The following SOX5 variants were observed in gnomAD, a reference collection of about 807,000 sequenced individuals.
SOX5 encodes the protein SRY-box transcription factor 5.
A neutral mutation model predicts 92.0 loss-of-function variants in SOX5; 9 were observed. The ratio of observed to expected loss-of-function variants is 0.10; its 90% CI spans 0.06 to 0.17. SOX5 has a LOEUF of 0.17. Among genes scored for constraint, SOX5 ranks in the 10% least tolerant of loss-of-function variants. The pLI is 1.00. For missense variants in SOX5, 642 were observed against 944.5 expected (o/e 0.68, Z 4.20); for synonymous variants, 344 against 336.3 (o/e 1.02, Z -0.25).
intron 4 of SOX5, among the ~76,000 whole-genome samples, chr12:23,956,921 C>T (rs994059226): frequency 1.3e-5 from 2 of 152,074 alleles, no homozygotes; most frequent in African/African-American, 4.8e-5. Context: ...AGCTTGGCCT[C>T]CCAAAGTGCT....
chr12:24,361,020 T>C (rs1468225989), intron 2 of SOX5, among the ~76,000 whole-genome samples: 1 of 152,130 alleles, frequency 6.6e-6, no homozygotes, highest in African/African-American at 2.4e-5. Flanking sequence ...ACATCTATGG[T>C]TCATTAACTC....
intron 3 of SOX5, among the ~76,000 whole-genome samples, chr12:23,842,260 T>C (rs1273720470): frequency 6.6e-6 from 1 of 152,096 alleles, no homozygotes; most frequent in Non-Finnish European, 1.5e-5. Context: ...TATAAATTAA[T>C]GGTGGTTAGT....
intron 1 of SOX5, among the ~76,000 whole-genome samples, chr12:24,524,344 T>TATCC (rs559911068): frequency 1.5e-5 from 1 of 65,306 alleles, no homozygotes; most frequent in Non-Finnish European, 5.0e-5. Flanking sequence ...CCCTCCCATC[T>TATCC]ATCTATCTAT....
chr12:23,930,403 A>T (rs1280526442), intron 1 of SOX5, among the ~76,000 whole-genome samples: 1 of 151,750 alleles, frequency 6.6e-6, no homozygotes, highest in Non-Finnish European at 1.5e-5. Flanking sequence ...GCTCAAGTAA[A>T]CCTACAAAAG....
chr12:23,926,643 T>G (rs1322031547), intron 1 of SOX5, among the ~76,000 whole-genome samples: 1 of 152,136 alleles, frequency 6.6e-6, no homozygotes, highest in Admixed American at 6.5e-5. Context: ...TAGCAATTCA[T>G]TTCTTTGTTT....
chr12:23,641,530 TTATC>T lies in SOX5; in HGVS notation c.932-637_932-634del, dbSNP rs775243211. 5.3e-5 allele frequency among the ~76,000 whole-genome samples: 8 copies of T among 152,270 alleles called. No homozygotes were observed. In the South Asian group the frequency reaches 1.7e-3, roughly 32 times the overall value. On this transcript the variant is annotated intron_variant, in intron 7 of 14. Transcript: ENST00000451604. ...ATAGATCCCTTCCCCCCGACATTTTTTATCTATTAAAAAAGCACACTAATTCAAA... is the reference window on the plus strand; with the variant it reads ...ATAGATCCCTTCCCCCCGACATTTTTTATTAAAAAAGCACACTAATTCAAA...
chr12:24,260,618 CT>C (rs762813460), intron 3 of SOX5, among the ~76,000 whole-genome samples: 4 of 152,070 alleles, frequency 2.6e-5, no homozygotes, highest in Non-Finnish European at 5.9e-5. Flanking sequence ...GTAGTGATAT[CT>C]TTTTCTTATT....
At chr12:24,539,841 C>T (rs1042680684) in intron 1 of SOX5, among the ~76,000 whole-genome samples, 1 of 152,066 alleles carries the variant, frequency 6.6e-6, no homozygotes, top group Non-Finnish European at 1.5e-5. Flanking sequence ...CACTGAATGA[C>T]CGCAGAGTTC....
At chr12:23,969,083 C>T (rs1029607752) in intron 4 of SOX5, among the ~76,000 whole-genome samples, 1 of 152,132 alleles carries the variant, frequency 6.6e-6, no homozygotes, top group Non-Finnish European at 1.5e-5. Context: ...AGTCAACATC[C>T]ACCTAATTGT....
chr12:24,235,504 G>A (rs1475327513), intron 3 of SOX5, among the ~76,000 whole-genome samples: 1 of 152,106 alleles, frequency 6.6e-6, no homozygotes, highest in African/African-American at 2.4e-5. Flanking sequence ...ACATTAATTT[G>A]TACTCTACTA....
chr12:24,295,064 T>C (rs919581956), intron 2 of SOX5, among the ~76,000 whole-genome samples: 1 of 152,098 alleles, frequency 6.6e-6, no homozygotes, highest in Non-Finnish European at 1.5e-5. Context: ...CACAGACATA[T>C]ATAGAACGTA....
At chr12:24,068,704 G>GTATATATATATA (rs1164844032) in intron 4 of SOX5, among the ~76,000 whole-genome samples, 11 of 74,318 alleles carry the variant, frequency 1.5e-4, no homozygotes, top group African/African-American at 6.2e-4. Flanking sequence ...GTGTGTGTGT[G>GTATATATATATA]TATATATATA....
chr12:23,629,752 T>C (rs1452260763), intron 8 of SOX5, among the ~76,000 whole-genome samples: 2 of 151,962 alleles, frequency 1.3e-5, no homozygotes, highest in Admixed American at 1.3e-4. Context: ...TCATATTTCA[T>C]TCATTCTCTT....
In SOX5 at chr12:24,468,994, G is replaced by A. The variant is rs570610001; in HGVS notation, c.-251+93335C>T. On this transcript the variant is annotated intron_variant, in intron 1 of 4. Coordinates refer to the SOX5 transcript ENST00000446891. Reference sequence around the variant, plus strand: ...GATTCAAGAGCATTACAATTATGGCGCACTTTATTTCCACTATTATCACAT... The same window carrying A: ...GATTCAAGAGCATTACAATTATGGCACACTTTATTTCCACTATTATCACAT... Among the ~76,000 whole-genome samples the A allele has an allele frequency of 1.5e-3, 231 of 152,194 alleles. 3 individuals are homozygous for A. In the South Asian group the frequency reaches 0.02, roughly 13 times the overall value.
chr12:23,709,681 A>C (rs895100116), intron 6 of SOX5, among the ~76,000 whole-genome samples: 2 of 152,190 alleles, frequency 1.3e-5, no homozygotes, highest in Non-Finnish European at 2.9e-5. Flanking sequence ...TTTTTAATGT[A>C]ATGACAGTTC....
At chr12:24,008,666 A>G (rs569494523) in intron 4 of SOX5, among the ~76,000 whole-genome samples, 1 of 152,294 alleles carries the variant, frequency 6.6e-6, no homozygotes, top group East Asian at 1.9e-4. Flanking sequence ...CAGTATTACA[A>G]TTTAAATATT....
chr12:24,162,999 C>T (rs1565563638), intron 4 of SOX5, among the ~76,000 whole-genome samples: 1 of 151,952 alleles, frequency 6.6e-6, no homozygotes. Flanking sequence ...AAATATTAAC[C>T]GGTGTCAGGC....
At chr12:23,730,037 C>G (rs1448778225) in intron 6 of SOX5, among the ~76,000 whole-genome samples, 1 of 152,140 alleles carries the variant, frequency 6.6e-6, no homozygotes. Context: ...AGAAGTCACT[C>G]AGTCACTTCC....
chr12:23,652,640 C>T (rs1326263376), intron 7 of SOX5, among the ~76,000 whole-genome samples: 1 of 151,390 alleles, frequency 6.6e-6, no homozygotes, highest in South Asian at 2.1e-4. Flanking sequence ...GTTCTTATAA[C>T]ACTTAGTGAC....
Sources: allele counts gnomAD v4.1 joint callset (sites outside exome capture counted in the v4.1 genomes callset), GRCh38; gene constraint gnomAD v4.1.1; transcripts MANE v1.5; gene names NCBI Gene and HGNC (gene_info 2026-07-23, HGNC 2026-07-21).